Variants in HAPLN1 observed in about 807,000 individuals in gnomAD.
HAPLN1 encodes the protein hyaluronan and proteoglycan link protein 1.
Under a neutral mutation model 36.5 loss-of-function variants are expected in HAPLN1, and 13 were observed. That is an observed-to-expected ratio of 0.36 (90% confidence interval 0.23 to 0.57). The LOEUF (loss-of-function observed/expected upper bound fraction) is 0.57. Among genes scored for constraint, HAPLN1 ranks in the 20% least tolerant of loss-of-function variants. The pLI is 0.83. For missense variants in HAPLN1, 407 were observed against 439.7 expected (o/e 0.93, Z 0.66); for synonymous variants, 202 against 169.8 (o/e 1.19, Z -1.48).
rs561576432 is a variant in HAPLN1 at position 83,718,427 on chromosome 5, A to C, written c.-27+2362T>G. 3.3e-5 allele frequency among the ~76,000 whole-genome samples: 5 copies of C among 152,296 alleles called. No individual in the cohort carries two copies. The South Asian group carries it at 1.0e-3, about 32-fold the overall frequency. On this transcript the variant is annotated intron_variant, in intron 1 of 4. Transcript: ENST00000274341. ...CACAGGGACCATGCTTCACACAGTT[A>C]ACCACCACAGACCCTCCCATTCAGT...
chr5:83,662,708 A>C (rs1345988121), intron 2 of HAPLN1, among the ~76,000 whole-genome samples: 11 of 152,198 alleles, frequency 7.2e-5, no homozygotes, highest in Non-Finnish European at 1.5e-4. Context: ...GTAATTATCT[A>C]CCACTCCTTA....
At chr5:83,717,226 G>T (rs1751936002) in intron 1 of HAPLN1, among the ~76,000 whole-genome samples, 1 of 152,092 alleles carries the variant, frequency 6.6e-6, no homozygotes, top group Non-Finnish European at 1.5e-5. Flanking sequence ...TGGAAATAAA[G>T]ATTAAGATAA....
chr5:83,693,290 A>T (rs1751321030), intron 1 of HAPLN1, among the ~76,000 whole-genome samples: 1 of 151,924 alleles, frequency 6.6e-6, no homozygotes, highest in Non-Finnish European at 1.5e-5. Context: ...GTTAAGGTAT[A>T]TACTATAAAA....
intron 1 of HAPLN1, among the ~76,000 whole-genome samples, chr5:83,700,816 G>C (rs986406566): frequency 2.6e-5 from 4 of 152,106 alleles, no homozygotes; most frequent in Non-Finnish European, 5.9e-5. Flanking sequence ...ATTTGAAAGA[G>C]TAACCATATG....
intron 1 of HAPLN1, among the ~76,000 whole-genome samples, chr5:83,707,120 T>C (rs759664923): frequency 1.4e-4 from 21 of 152,162 alleles, no homozygotes; most frequent in Non-Finnish European, 2.5e-4. Context: ...TGCTTATGGA[T>C]AGGAAGAATC....
rs1749569793 is a variant in HAPLN1 at position 83,638,153 on chromosome 5, AG to A, written c.*3342del. 1 of 152,044 alleles carries A rather than the reference AG, an allele frequency of 6.6e-6. No individual in the cohort carries two copies. The highest frequency in any genetic ancestry group is 1.5e-5 in the Non-Finnish European group (1 of 67,916). The allele number at this position is 152,044 out of a possible 1,614,324, so 9.4% of individuals were successfully genotyped here. A position where few individuals can be genotyped will look rare whatever the true frequency, so the allele number is the denominator to read the frequency against. ...AATGTATTGACAGAGTTTGACACAA[AG>A]AAAAATAGCTAAGATTCTACAACTC... On this transcript the variant is annotated 3_prime_UTR_variant, in exon 5 of 5. Transcript: ENST00000274341.
intron 1 of HAPLN1, among the ~76,000 whole-genome samples, chr5:83,700,971 G>C (rs1342952851): frequency 6.6e-6 from 1 of 152,172 alleles, no homozygotes; most frequent in South Asian, 2.1e-4. Flanking sequence ...CCTTCCCAGT[G>C]ACAAGGACAT....
At chr5:83,656,684 C>G in intron 2 of HAPLN1, among the ~76,000 whole-genome samples, 1 of 152,128 alleles carries the variant, frequency 6.6e-6, no homozygotes, top group East Asian at 1.9e-4. Context: ...GTGACAATGA[C>G]TTGAAAGATC....
chr5:83,713,541 T>A (rs1751843086), intron 1 of HAPLN1, among the ~76,000 whole-genome samples: 1 of 152,200 alleles, frequency 6.6e-6, no homozygotes, highest in South Asian at 2.1e-4. Flanking sequence ...CCAGATGATT[T>A]TCAACTACCA....
intron 2 of HAPLN1, among the ~76,000 whole-genome samples, chr5:83,653,400 C>T (rs1257518560): frequency 6.6e-6 from 1 of 152,150 alleles, no homozygotes; most frequent in African/African-American, 2.4e-5. Flanking sequence ...GTGTTAGGCT[C>T]TTCTGAAATA....
intron 1 of HAPLN1, chr5:83,675,452 G>A (rs767969601): frequency 9.9e-5 from 15 of 152,190 alleles, no homozygotes; most frequent in Middle Eastern, 3.4e-3. Context: ...TAATGTTCAC[G>A]TTAGTGTGGT....
intron 1 of HAPLN1, among the ~76,000 whole-genome samples, chr5:83,709,990 G>A: frequency 6.6e-6 from 1 of 152,194 alleles, no homozygotes; most frequent in Admixed American, 6.5e-5. Context: ...AGAGAAAATG[G>A]TGCTATTTAC....
At chr5:83,670,134 TC>T (rs1257746176) in intron 2 of HAPLN1, among the ~76,000 whole-genome samples, 1 of 152,222 alleles carries the variant, frequency 6.6e-6, no homozygotes, top group African/African-American at 2.4e-5. Flanking sequence ...AGTGTATTCA[TC>T]ATCTCTAAAA....
intron 1 of HAPLN1, among the ~76,000 whole-genome samples, chr5:83,714,212 A>G (rs1428719638): frequency 6.6e-6 from 1 of 152,152 alleles, no homozygotes; most frequent in Non-Finnish European, 1.5e-5. Flanking sequence ...CCTCTAGGCT[A>G]CTGGAAAGAC....
At chr5:83,652,944 C>A in intron 2 of HAPLN1, 120 bp from the exon 3 acceptor site, 1 of 943,610 alleles carries the variant, frequency 1.1e-6, no homozygotes, top group South Asian at 1.9e-5. Context: ...GAGTGGTTAG[C>A]TTCTCTACGT....
At position 83,641,687 on chromosome 5, in the gene HAPLN1, T is replaced by C; in HGVS notation, c.874A>G (p.Ile292Val). ...DGAQIAKVGQIFAAWKILGYD... is the reference protein window; with the variant it reads ...DGAQIAKVGQVFAAWKILGYD... ...CCGAGAATTTTCCAGGCAGCAAATA[T>C]CTGGCCCACTTTTGCAATCTGAGCA... Residue 292 changes from isoleucine to valine, a missense_variant, in exon 5 of 5, where the codon ATA (isoleucine) becomes GTA (valine). Coordinates refer to ENST00000274341, the MANE Select transcript of HAPLN1 (RefSeq NM_001884.4). 2 of 1,614,164 alleles carry C rather than the reference T, an allele frequency of 1.2e-6. No individual in the cohort carries two copies. Among genetic ancestry groups the C allele is most frequent in the Middle Eastern group, 1.6e-4 (1 of 6,062 alleles).
chr5:83,695,497 A>G (rs1300738211), intron 1 of HAPLN1, among the ~76,000 whole-genome samples: 4 of 151,384 alleles, frequency 2.6e-5, no homozygotes, highest in East Asian at 1.9e-4. Flanking sequence ...TAAAACAGAT[A>G]GATCACTAAA....
At position 83,644,047 on chromosome 5, in the gene HAPLN1, G is replaced by C. The variant is rs117486613; in HGVS notation, c.775+316C>G. On this transcript the variant is annotated intron_variant, in intron 4 of 4. Transcript: ENST00000274341. Reference sequence around the variant, plus strand: ...TTGATTGACAGAACCATATCCTACGGAGGGCACACACTGGCAGCATCATCT... The same window carrying C: ...TTGATTGACAGAACCATATCCTACGCAGGGCACACACTGGCAGCATCATCT... 5.4e-3 allele frequency among the ~76,000 whole-genome samples: 820 copies of C among 152,258 alleles called. 22 individuals are homozygous for C. In the East Asian group the frequency reaches 0.09, roughly 17 times the overall value.
At chr5:83,678,735 A>G (rs1345773189) in intron 1 of HAPLN1, among the ~76,000 whole-genome samples, 4 of 152,208 alleles carry the variant, frequency 2.6e-5, no homozygotes, top group African/African-American at 7.2e-5. Flanking sequence ...AGAGAGGTGA[A>G]ATAAAGAGGA....
Sources: allele counts gnomAD v4.1 joint callset (sites outside exome capture counted in the v4.1 genomes callset), GRCh38; gene constraint gnomAD v4.1.1; transcripts MANE v1.5; gene names NCBI Gene and HGNC (gene_info 2026-07-23, HGNC 2026-07-21).